Variants in MCCC1 observed in about 807,000 individuals in gnomAD.
MCCC1 encodes the protein methylcrotonoyl-CoA carboxylase subunit alpha, mitochondrial.
Under a neutral mutation model 83.8 loss-of-function variants are expected in MCCC1, and 64 were observed. The ratio of observed to expected loss-of-function variants is 0.76; its 90% confidence interval spans 0.62 to 0.94. The LOEUF (loss-of-function observed/expected upper bound fraction) is 0.94, where lower values mean the gene tolerates loss of function less well. MCCC1 is among the 40% of genes least tolerant of loss of function. MCCC1 has a pLI of 0.00. For missense variants in MCCC1, 807 were observed against 904.7 expected (o/e 0.89, Z 1.39); for synonymous variants, 322 against 315.4 (o/e 1.02, Z -0.22).
At chr3:183,099,042 C>T (rs765071268) in intron 1 of MCCC1, 45 of 531,424 alleles carry the variant, frequency 8.5e-5, no homozygotes, top group Non-Finnish European at 1.4e-4. Context: ...CCGATGTAAA[C>T]GGCTACGAGC....
At chr3:183,108,954 G>A (rs1307102658) in intron 1 of MCCC1, among the ~76,000 whole-genome samples, 2 of 152,084 alleles carry the variant, frequency 1.3e-5, no homozygotes, top group African/African-American at 4.8e-5. Flanking sequence ...TAGGTTCGGG[G>A]CTACACATGC....
Position 183,034,477 on chromosome 3 carries a change from A to C in MCCC1, c.1595-400T>G, listed in dbSNP as rs557553272. Among the ~76,000 whole-genome samples, 872 of 151,060 alleles carry C rather than the reference A, an allele frequency of 5.8e-3. 14 individuals are homozygous for C. The highest frequency in any genetic ancestry group is 8.3e-3 in the Non-Finnish European group (563 of 67,670). ...CTCAAAAAAAAAAAAAAACAAAAAAACACACGTCCTAAACTGGCAGCTCAG... is the reference window on the plus strand; with the variant it reads ...CTCAAAAAAAAAAAAAAACAAAAAACCACACGTCCTAAACTGGCAGCTCAG... On this transcript the variant is annotated intron_variant, in intron 13 of 18. Transcript: ENST00000265594.
At chr3:183,072,896 T>A (rs1716804544) in intron 4 of MCCC1, among the ~76,000 whole-genome samples, 1 of 152,238 alleles carries the variant, frequency 6.6e-6, no homozygotes, top group South Asian at 2.1e-4. Context: ...TTTCTGTTTA[T>A]GAATTTCTCT....
At chr3:183,104,533 T>C (rs1329432106), upstream of MCCC1, among the ~76,000 whole-genome samples, 1 of 151,882 alleles carries the variant, frequency 6.6e-6, no homozygotes, top group Non-Finnish European at 1.5e-5. Flanking sequence ...AACATACACA[T>C]AGAGAAAGTC....
chr3:183,015,670 T>G, intron 18 of MCCC1, 104 bp from the exon 19 acceptor site: 10 of 1,381,182 alleles, frequency 7.2e-6, no homozygotes, highest in Non-Finnish European at 1.0e-5. Context: ...TGTAGCCAAC[T>G]TTGATGTTTT....
At chr3:183,063,108 C>T (rs1241746050) in intron 7 of MCCC1, among the ~76,000 whole-genome samples, 2 of 152,082 alleles carry the variant, frequency 1.3e-5, no homozygotes, top group African/African-American at 4.8e-5. Flanking sequence ...CTCAGCCTCC[C>T]GAGTAGCTGG....
At chr3:183,115,848 A>T (rs997749907) in exon 1 of MCCC1, 3 of 151,986 alleles carry the variant, frequency 2.0e-5, no homozygotes, top group African/African-American at 7.3e-5. Flanking sequence ...GCAAAACTCC[A>T]TCTCAAATTA....
chr3:183,024,618 CA>C (rs59036126), intron 15 of MCCC1, among the ~76,000 whole-genome samples: 1 of 148,598 alleles, frequency 6.7e-6, no homozygotes, highest in Non-Finnish European at 1.5e-5. Context: ...TATTATAAAA[CA>C]AAAAAAAAAC....
intron 7 of MCCC1, among the ~76,000 whole-genome samples, chr3:183,059,989 C>T (rs1401794924): frequency 6.6e-6 from 1 of 152,134 alleles, no homozygotes; most frequent in Non-Finnish European, 1.5e-5. Flanking sequence ...TTGGTGTCCT[C>T]TGAGTTTCCT....
chr3:183,045,647 G>A, intron 9 of MCCC1, 107 bp from the exon 10 acceptor site: 1 of 1,147,454 alleles, frequency 8.7e-7, no homozygotes, highest in Non-Finnish European at 1.3e-6. Flanking sequence ...TCATTCAATG[G>A]TAACACTTTG....
intron 1 of MCCC1, among the ~76,000 whole-genome samples, chr3:183,108,440 T>C (rs1719440154): frequency 1.3e-5 from 2 of 152,218 alleles, no homozygotes; most frequent in Admixed American, 1.3e-4. Flanking sequence ...ATTAAATTGG[T>C]GTCTGCCAGG....
intron 14 of MCCC1, among the ~76,000 whole-genome samples, chr3:183,030,525 G>A (rs1712967610): frequency 6.6e-6 from 1 of 152,158 alleles, no homozygotes; most frequent in African/African-American, 2.4e-5. Flanking sequence ...TGAACATTTA[G>A]CCTTCTGCAT....
chr3:183,047,429 A>C (rs1240324845), intron 9 of MCCC1, among the ~76,000 whole-genome samples: 1 of 152,184 alleles, frequency 6.6e-6, no homozygotes, highest in Non-Finnish European at 1.5e-5. Flanking sequence ...CACCATGTCC[A>C]TCTTTCAACA....
chr3:183,052,361 T>C, intron 8 of MCCC1, 121 bp from the exon 9 acceptor site: 3 of 799,242 alleles, frequency 3.8e-6, no homozygotes, highest in Admixed American at 4.1e-5. Flanking sequence ...AGACCACATA[T>C]ACAACAGTTG....
chr3:183,099,998 A>G (rs1351074286), upstream of MCCC1, among the ~76,000 whole-genome samples: 2 of 152,234 alleles, frequency 1.3e-5, no homozygotes, highest in Non-Finnish European at 2.9e-5. Context: ...ACATCTAGAG[A>G]ATAAAGAAAC....
chr3:183,064,841 T>C lies in MCCC1; in HGVS notation c.761+6158A>G, dbSNP rs1716134138. Among the ~76,000 whole-genome samples, 1 of 152,220 alleles carries C rather than the reference T, an allele frequency of 6.6e-6. No individual in the cohort carries two copies. The highest frequency in any genetic ancestry group is 1.5e-5 in the Non-Finnish European group (1 of 68,036). ...CCTTCTTAACTGACAAGTGGCCACC[T>C]GAACTTTTTATTTAGTGTCGGTTGC... is the stretch of plus-strand genomic sequence containing the variant. On this transcript the variant is annotated intron_variant, in intron 7 of 18. Coordinates refer to ENST00000265594, the MANE Select transcript of MCCC1 (RefSeq NM_020166.5). This position sits in a 1 kb window ranked among gnomAD's most constrained non-coding sequence, Gnocchi z 4.5.
At chr3:183,089,082 C>A (rs868230660) in intron 3 of MCCC1, among the ~76,000 whole-genome samples, 14 of 152,150 alleles carry the variant, frequency 9.2e-5, no homozygotes, top group Admixed American at 3.9e-4. Flanking sequence ...GGTTAATCAG[C>A]CTTGAAATGG....
At chr3:183,083,511 T>C (rs1410433333) in intron 4 of MCCC1, among the ~76,000 whole-genome samples, 1 of 152,026 alleles carries the variant, frequency 6.6e-6, no homozygotes, top group Non-Finnish European at 1.5e-5. Flanking sequence ...TATTTTATTC[T>C]TTTAAAAATA....
chr3:183,059,359 C>T (rs949925512), intron 7 of MCCC1, among the ~76,000 whole-genome samples: 1 of 152,052 alleles, frequency 6.6e-6, no homozygotes, highest in Admixed American at 6.6e-5. Flanking sequence ...CTGAATGTTC[C>T]CATTTTGAAT....
Sources: gnomAD v4.1 joint callset for allele counts (sites outside exome capture counted in the v4.1 genomes callset) on GRCh38, gnomAD v4.1.1 for gene constraint, Gnocchi (gnomAD v3.1) non-coding constraint, MANE v1.5 for transcripts, NCBI Gene and HGNC (gene_info 2026-07-23, HGNC 2026-07-21) for gene names.